The following SSBP3 variants were observed in gnomAD, a reference collection of about 807,000 sequenced individuals.
The protein encoded by SSBP3 is single stranded DNA binding protein 3.
Under a neutral mutation model 69.6 loss-of-function variants are expected in SSBP3, and 5 were observed. The observed-to-expected ratio is 0.07, with a 90% CI of 0.04 to 0.15. The LOEUF (loss-of-function observed/expected upper bound fraction) is 0.15, where lower values mean the gene tolerates loss of function less well. Ranked by LOEUF, SSBP3 falls within the 10% of genes least tolerant of loss-of-function variation. The pLI is 1.00. For missense variants in SSBP3, 312 were observed against 534.0 expected, an observed-to-expected ratio of 0.58 and a Z score of 4.10; for synonymous variants, 196 against 193.4, an observed-to-expected ratio of 1.01 and a Z score of -0.11.
intron 4 of SSBP3, among the ~76,000 whole-genome samples, chr1:54,286,036 T>G (rs1209447608): frequency 2.0e-5 from 3 of 152,166 alleles, no homozygotes; most frequent in Non-Finnish European, 4.4e-5. Flanking sequence ...ACAGCAGCTC[T>G]TCCATGAACA....
chr1:54,354,149 G>A (rs1364450620), intron 4 of SSBP3, among the ~76,000 whole-genome samples: 1 of 152,172 alleles, frequency 6.6e-6, no homozygotes, highest in Non-Finnish European at 1.5e-5. Context: ...TGGAGCCAGC[G>A]CATACCACTG....
At chr1:54,265,566 C>T (rs1645087001) in intron 5 of SSBP3, among the ~76,000 whole-genome samples, 1 of 152,092 alleles carries the variant, frequency 6.6e-6, no homozygotes. Flanking sequence ...AGCAGAAGAG[C>T]CCATGACAAT....
intron 4 of SSBP3, among the ~76,000 whole-genome samples, chr1:54,387,060 A>G (rs1648140263): frequency 1.3e-5 from 2 of 152,116 alleles, no homozygotes; most frequent in South Asian, 4.1e-4. Context: ...AAGTAAGAAC[A>G]TCCGTTCCAT....
intron 4 of SSBP3, among the ~76,000 whole-genome samples, chr1:54,292,513 C>T (rs1245344616): frequency 1.3e-5 from 2 of 152,136 alleles, no homozygotes; most frequent in Non-Finnish European, 2.9e-5. Context: ...ATGTCAGTTC[C>T]CCCAAGAACA....
At chr1:54,246,209 G>A (rs1303417714) in intron 9 of SSBP3, among the ~76,000 whole-genome samples, 4 of 152,216 alleles carry the variant, frequency 2.6e-5, no homozygotes, top group Non-Finnish European at 5.9e-5. Flanking sequence ...TGGGACGTCA[G>A]CAGCAGAACA....
At chr1:54,260,912 A>G (rs927064252) in intron 5 of SSBP3, among the ~76,000 whole-genome samples, 2 of 152,246 alleles carry the variant, frequency 1.3e-5, no homozygotes, top group African/African-American at 4.8e-5. Flanking sequence ...AGGCCAAGCT[A>G]AAAGCTCAGT....
At chr1:54,372,956 T>C (rs534939085) in intron 4 of SSBP3, among the ~76,000 whole-genome samples, 2 of 152,326 alleles carry the variant, frequency 1.3e-5, no homozygotes, top group South Asian at 4.1e-4. Context: ...ATTCTTTTGT[T>C]GGGAGGCAGG....
intron 14 of SSBP3, among the ~76,000 whole-genome samples, chr1:54,233,290 G>A (rs1557440091): frequency 1.3e-5 from 2 of 150,466 alleles, no homozygotes; most frequent in Non-Finnish European, 3.0e-5. Flanking sequence ...TGGGATGTGA[G>A]GAGCGCCTCT....
intron 4 of SSBP3, among the ~76,000 whole-genome samples, chr1:54,299,859 C>T (rs948740616): frequency 6.6e-6 from 1 of 152,238 alleles, no homozygotes; most frequent in African/African-American, 2.4e-5. Context: ...TTGCCACACA[C>T]CAGCTCAGCC....
chr1:54,400,883 C>T (rs1649243593), intron 4 of SSBP3, among the ~76,000 whole-genome samples: 1 of 152,196 alleles, frequency 6.6e-6, no homozygotes, highest in African/African-American at 2.4e-5. Flanking sequence ...AGGTGGGACC[C>T]AATGACGTTC....
At chr1:54,344,821 A>G (rs1051056647) in intron 4 of SSBP3, among the ~76,000 whole-genome samples, 3 of 152,298 alleles carry the variant, frequency 2.0e-5, no homozygotes, top group Admixed American at 6.5e-5. Flanking sequence ...AGACCAGCCT[A>G]GGCAATACAG....
chr1:54,310,213 G>A (rs967267566), intron 4 of SSBP3, among the ~76,000 whole-genome samples: 14 of 150,194 alleles, frequency 9.3e-5, no homozygotes, highest in Admixed American at 2.6e-4. Flanking sequence ...TCGGGGAGGC[G>A]CAGCCAACCT....
intron 4 of SSBP3, among the ~76,000 whole-genome samples, chr1:54,363,110 G>A (rs918476154): frequency 6.6e-6 from 1 of 152,160 alleles, no homozygotes; most frequent in Non-Finnish European, 1.5e-5. Context: ...AAGGCACCAG[G>A]CATTAAGAAG....
At chr1:54,246,240 T>C (rs1389230054) in intron 9 of SSBP3, among the ~76,000 whole-genome samples, 1 of 152,182 alleles carries the variant, frequency 6.6e-6, no homozygotes, top group Non-Finnish European at 1.5e-5. Context: ...CCCTTAATGC[T>C]ACCGCAGCAT....
chr1:54,316,661 AAAATAAATAAAT>A lies in SSBP3; in HGVS notation c.277-35146_277-35135del, dbSNP rs201860772. ...AGACTCCGTCTCAAAAAAAAAAAAT[AAAATAAATAAAT>A]AAATAAATAAATAAATAAATAAATA... On this transcript the variant is annotated intron_variant, in intron 4 of 17. Transcript: ENST00000610401. Among the ~76,000 whole-genome samples the A allele has an allele frequency of 3.0e-3, 182 of 60,998 alleles. 10 individuals carry two copies. The highest frequency in any genetic ancestry group is 0.022 in the East Asian group (26 of 1,170). The allele number at this position is 60,998 out of a possible 152,430, so 40.0% of individuals were successfully genotyped here.
intron 4 of SSBP3, among the ~76,000 whole-genome samples, chr1:54,347,781 G>A (rs190958058): frequency 3.0e-4 from 46 of 152,278 alleles, no homozygotes; most frequent in Admixed American, 2.2e-3. Flanking sequence ...TTGCAGCAAC[G>A]CTGGAAGATA....
At chr1:54,242,143 C>G in intron 11 of SSBP3, 21 bp downstream of exon 11, 1 of 1,612,192 alleles carries the variant, frequency 6.2e-7, no homozygotes, top group Non-Finnish European at 8.5e-7. Context: ...AAACACCACC[C>G]CACCCGACCC....
At chr1:54,330,400 C>T (rs1569834754) in intron 4 of SSBP3, among the ~76,000 whole-genome samples, 1 of 152,138 alleles carries the variant, frequency 6.6e-6, no homozygotes, top group South Asian at 2.1e-4. Context: ...CTGGCCTGGC[C>T]CCCTACACCT....
intron 13 of SSBP3, 137 bp from the exon 14 acceptor site, chr1:54,239,336 T>C (rs1458329358): frequency 1.2e-5 from 8 of 669,480 alleles, no homozygotes; most frequent in Non-Finnish European, 2.0e-5. Flanking sequence ...TCTGGCTAAT[T>C]TGTATTTAAT....
Sources: gnomAD v4.1 joint callset for allele counts (sites outside exome capture counted in the v4.1 genomes callset) on GRCh38, gnomAD v4.1.1 for gene constraint, MANE v1.5 for transcripts, NCBI Gene and HGNC (gene_info 2026-07-23, HGNC 2026-07-21) for gene names.